MAML1: variants seen among roughly 807,000 people sequenced by gnomAD.
MAML1 encodes mastermind like transcriptional coactivator 1.
In MAML1, 14 loss-of-function variants were observed where a neutral mutation model predicts 77.1. That is an observed-to-expected ratio of 0.18 (90% CI 0.12 to 0.28). The LOEUF (loss-of-function observed/expected upper bound fraction) is 0.28, where lower values mean the gene tolerates loss of function less well. Among genes scored for constraint, MAML1 ranks in the 10% least tolerant of loss-of-function variants. MAML1 has a pLI of 1.00. For missense variants in MAML1, 1,217 were observed against 1,327.8 expected (o/e 0.92, Z 1.30); for synonymous variants, 516 against 551.9 (o/e 0.93, Z 0.91).
chr5:179,773,416 G>A (rs1756046765), intron 4 of MAML1, among the ~76,000 whole-genome samples: 2 of 152,394 alleles, frequency 1.3e-5, no homozygotes, highest in South Asian at 2.1e-4. Flanking sequence ...AAACCTAGTG[G>A]ATTCATCACT....
At chr5:179,740,572 G>C (rs561550221) in intron 1 of MAML1, among the ~76,000 whole-genome samples, 1 of 152,078 alleles carries the variant, frequency 6.6e-6, no homozygotes, top group South Asian at 2.1e-4. Flanking sequence ...CACTGTGCCC[G>C]GCCGATCTTT....
At position 179,765,493 on chromosome 5, in the gene MAML1, C is replaced by G; in HGVS notation, c.483C>G (p.Leu161=). 1 of 1,614,122 alleles carries G rather than the reference C, an allele frequency of 6.2e-7. No homozygotes were observed. Among genetic ancestry groups the G allele is most frequent in the South Asian group, 1.1e-5 (1 of 91,076 alleles). The change falls in exon 2 of 5, where the codon CTC becomes CTG. Residue 161 remains leucine, a synonymous_variant. Coordinates refer to ENST00000292599, the MANE Select transcript of MAML1 (RefSeq NM_014757.5). ...ATGGACTGCCTCCAGCCTCCCCCCT[C>G]GGTCAGTCTGACAAGCCTTCTGGAG... ...SSNGLPPASP[L]GQSDKPSGAD...
At chr5:179,760,709 A>G (rs1421685525) in intron 1 of MAML1, among the ~76,000 whole-genome samples, 1 of 152,218 alleles carries the variant, frequency 6.6e-6, no homozygotes, top group Admixed American at 6.5e-5. Flanking sequence ...GGGCAGGAGA[A>G]GGGGAGACTT....
chr5:179,740,000 G>A (rs947790332), intron 1 of MAML1, among the ~76,000 whole-genome samples: 2 of 152,194 alleles, frequency 1.3e-5, no homozygotes, highest in Non-Finnish European at 2.9e-5. Flanking sequence ...GTTATAATAA[G>A]TGCTAAGCAA....
chr5:179,763,701 G>A (rs1349489301), intron 1 of MAML1, among the ~76,000 whole-genome samples: 1 of 152,164 alleles, frequency 6.6e-6, no homozygotes, highest in Admixed American at 6.5e-5. Flanking sequence ...GCCCCAGGCA[G>A]GACGCCCAGG....
chr5:179,739,373 G>A (rs531957015), intron 1 of MAML1, among the ~76,000 whole-genome samples: 21 of 91,062 alleles, frequency 2.3e-4, no homozygotes, highest in South Asian at 3.1e-4. Flanking sequence ...AGAATAGAAC[G>A]GAACGGAACG....
At chr5:179,755,883 G>A (rs1039899504) in intron 1 of MAML1, among the ~76,000 whole-genome samples, 16 of 151,444 alleles carry the variant, frequency 1.1e-4, no homozygotes, top group African/African-American at 3.9e-4. Flanking sequence ...TCCTCCTTCA[G>A]CCTCCCGAGT....
At chr5:179,746,402 C>T (rs1158755676) in intron 1 of MAML1, among the ~76,000 whole-genome samples, 1 of 152,004 alleles carries the variant, frequency 6.6e-6, no homozygotes, top group African/African-American at 2.4e-5. Context: ...GAGACAGTTT[C>T]GCTCTTGTTG....
chr5:179,734,246 A>G (rs1259519117), intron 1 of MAML1, among the ~76,000 whole-genome samples: 1 of 152,168 alleles, frequency 6.6e-6, no homozygotes, highest in South Asian at 2.1e-4. Flanking sequence ...CTAATTTGTT[A>G]TGTGTATTTT....
chr5:179,761,998 C>G (rs535974471), intron 1 of MAML1, among the ~76,000 whole-genome samples: 1 of 152,134 alleles, frequency 6.6e-6, no homozygotes, highest in Admixed American at 6.6e-5. Flanking sequence ...AAAGAGGAGG[C>G]AGGAGGAAAA....
intron 1 of MAML1, among the ~76,000 whole-genome samples, chr5:179,744,995 G>C (rs781437425): frequency 6.6e-6 from 1 of 151,030 alleles, no homozygotes; most frequent in Non-Finnish European, 1.5e-5. Context: ...TCTGCCTCCC[G>C]TGTTCACGCC....
chr5:179,754,919 G>A (rs967026309), intron 1 of MAML1, among the ~76,000 whole-genome samples: 1 of 152,214 alleles, frequency 6.6e-6, no homozygotes, highest in Non-Finnish European at 1.5e-5. Flanking sequence ...GGTCCAGAGG[G>A]AATAAGAAGG....
At position 179,771,099 on chromosome 5, in the gene MAML1, G is replaced by A. The variant is rs746944985; in HGVS notation, c.1972-48G>A. 5 of 1,472,282 alleles carry A rather than the reference G, an allele frequency of 3.4e-6. No homozygotes were observed. The highest frequency in any genetic ancestry group is 4.8e-6 in the Non-Finnish European group (5 of 1,051,236). 91.2% of individuals were successfully genotyped at this position (1,472,282 alleles called of 1,614,324 possible). A position where few individuals can be genotyped will look rare whatever the true frequency, so the allele number is the denominator to read the frequency against. On this transcript the variant is annotated intron_variant, in intron 3 of 4. Coordinates refer to ENST00000292599, the MANE Select transcript of MAML1 (RefSeq NM_014757.5). This position sits in a 1 kb window ranked among gnomAD's most constrained non-coding sequence, Gnocchi z 4.7. ...GACCTCCCTCACTCCCTTTGTTTTG[G>A]ATTTTGTTATATGTTGGTTTTGTTT...
chr5:179,776,946 G>C lies in MAML1; in HGVS notation c.*2069G>C. On this transcript the variant is annotated 3_prime_UTR_variant, in exon 5 of 5. Transcript: ENST00000292599. Reference sequence around the variant, plus strand: ...CCAGGAGCCACAACTCAGAAGAAAAGGGTGCTCAGACTTTTGTTATACACA... The same window carrying C: ...CCAGGAGCCACAACTCAGAAGAAAACGGTGCTCAGACTTTTGTTATACACA... 1.0e-6 allele frequency: 1 copy of C among 985,796 alleles called. No individual in the cohort carries two copies. The highest frequency in any genetic ancestry group is 6.1e-5 in the Admixed American group (1 of 16,282). The allele number at this position is 985,796 out of a possible 1,614,324, so 61.1% of individuals were successfully genotyped here.
intron 1 of MAML1, among the ~76,000 whole-genome samples, chr5:179,737,693 C>T (rs569597345): frequency 4.6e-4 from 55 of 120,562 alleles, no homozygotes; most frequent in African/African-American, 1.4e-3. Flanking sequence ...TAGGATATCC[C>T]ACCACAGCGA....
rs766472713 is a variant in MAML1 at position 179,768,922 on chromosome 5, G to A, written c.1804G>A (p.Val602Met). 24 of 1,614,030 alleles carry A rather than the reference G, an allele frequency of 1.5e-5. No individual in the cohort carries two copies. Among genetic ancestry groups the A allele is most frequent in the South Asian group, 2.2e-5 (2 of 91,082 alleles). The change falls in exon 3 of 5, where the codon GTG (valine) becomes ATG (methionine). Residue 602 changes from valine to methionine, a missense_variant. Physicochemically the swap from Val to Met is conservative, Grantham distance 21. Coordinates refer to ENST00000292599, the MANE Select transcript of MAML1 (RefSeq NM_014757.5). The stretch of plus-strand genomic sequence containing the variant: ...TGGGACCCAGCCGCCTGCCGTGTCC[G>A]TGGCCAGCTCCCACAACAGCTCCCC... ...SVGTQPPAVS[V>M]ASSHNSSPYL...
Position 179,774,494 on chromosome 5 carries a change from A to G in MAML1, c.2668A>G (p.Met890Val), listed in dbSNP as rs372898461. 17 of 1,613,286 alleles carry G rather than the reference A, an allele frequency of 1.1e-5. No individual in the cohort carries two copies. Among genetic ancestry groups the G allele is most frequent in the Admixed American group, 1.7e-5 (1 of 60,032 alleles). The part of the protein sequence containing the change: ...QFSQAVPNRP[M>V]APMSSAAAVG... ...CTCCCAGGCAGTGCCCAACAGGCCC[A>G]TGGCTCCCATGAGCTCAGCAGCTGC... Residue 890 changes from methionine (M) to valine (V), a missense_variant, in exon 5 of 5, where the codon ATG becomes GTG. By Grantham distance (21) the Met-to-Val change is conservative. This residue lies in a region of MAML1 where 884 missense variants were observed against 949.3 expected (regional missense o/e 0.93). Transcript: ENST00000292599.
rs891023436 is a variant in MAML1 at position 179,776,532 on chromosome 5, G to A, written c.*1655G>A. Reference sequence around the variant, plus strand: ...CTTCCCTACCTTTCCCATGTACTCAGTTTAGCTCTCAAAGAAGGGGTGAAT... The same window carrying A: ...CTTCCCTACCTTTCCCATGTACTCAATTTAGCTCTCAAAGAAGGGGTGAAT... On this transcript the variant is annotated 3_prime_UTR_variant, in exon 5 of 5. Coordinates refer to ENST00000292599, the MANE Select transcript of MAML1 (RefSeq NM_014757.5). 27 of 985,664 alleles carry A rather than the reference G, an allele frequency of 2.7e-5. No homozygotes were observed. Among genetic ancestry groups the A allele is most frequent in the Middle Eastern group, 1.0e-3 (2 of 1,914 alleles). The allele number at this position is 985,664 out of a possible 1,614,324, so 61.1% of individuals were successfully genotyped here. A position where few individuals can be genotyped will look rare whatever the true frequency, so the allele number is the denominator to read the frequency against.
intron 4 of MAML1, among the ~76,000 whole-genome samples, chr5:179,772,534 C>A (rs1048117539): frequency 4.6e-5 from 7 of 152,284 alleles, no homozygotes; most frequent in Non-Finnish European, 1.0e-4. Flanking sequence ...ATGGTGTTGT[C>A]ATATGTCCAT....
Sources: gnomAD v4.1 joint callset for allele counts (sites outside exome capture counted in the v4.1 genomes callset) on GRCh38, gnomAD v4.1.1 for gene constraint, gnomAD v4.1.1 regional missense constraint, Gnocchi (gnomAD v3.1) non-coding constraint, MANE v1.5 for transcripts, NCBI Gene and HGNC (gene_info 2026-07-23, HGNC 2026-07-21) for gene names.